ALMS1: variants seen among roughly 807,000 people sequenced by gnomAD.
The protein encoded by ALMS1 is ALMS1 centrosome and basal body associated protein.
ALMS1 carries 271 observed loss-of-function variants against 352.2 expected under a neutral mutation model. The observed-to-expected ratio is 0.77, with a 90% CI of 0.70 to 0.85. The LOEUF (loss-of-function observed/expected upper bound fraction) is 0.85, where lower values mean the gene tolerates loss of function less well. Ranked by LOEUF, ALMS1 falls within the 40% of genes least tolerant of loss-of-function variation. The pLI is 0.00. For missense variants in ALMS1, 5,445 were observed against 4,870.7 expected (o/e 1.12, Z -3.51); for synonymous variants, 1,865 against 1,761.2 (o/e 1.06, Z -1.48).
At chr2:73,540,625 A>G (rs1044391361) in intron 12 of ALMS1, among the ~76,000 whole-genome samples, 4 of 152,168 alleles carry the variant, frequency 2.6e-5, no homozygotes, top group African/African-American at 9.7e-5. Context: ...TATTCAGGAA[A>G]CCCATCTCAT....
chr2:73,470,408 C>T (rs1672443851), intron 9 of ALMS1: 1 of 151,532 alleles, frequency 6.6e-6, no homozygotes, highest in South Asian at 2.1e-4. Context: ...TAAAATTTTC[C>T]TTGATTTCAT....
At chr2:73,426,666 C>T (rs1457766173) in intron 6 of ALMS1, 113 bp downstream of exon 6, 7 of 1,073,310 alleles carry the variant, frequency 6.5e-6, no homozygotes, top group East Asian at 2.5e-5. Flanking sequence ...GGTACATGAC[C>T]AATGTCATTT....
chr2:73,573,379 T>C lies in ALMS1; in HGVS notation c.11502T>C (p.Gly3834=). The C allele has an allele frequency of 1.9e-6, 3 of 1,614,066 alleles. No homozygotes were observed. The highest frequency in any genetic ancestry group is 2.5e-6 in the Non-Finnish European group (3 of 1,179,992). ...ACAGCAAGAAAGTGCTGAATACAGG[T>C]CATCCCCTAGTGACTTCTGAGCACA... ...SKHSKKVLNT[G]HPLVTSEHTR... is the part of the protein sequence containing the mutation. Residue 3834 remains glycine (G), a synonymous_variant, in exon 16 of 23, where the codon GGT becomes GGC. Coordinates refer to ENST00000613296, the MANE Select transcript of ALMS1 (RefSeq NM_001378454.1).
In ALMS1 at chr2:73,450,506, C is replaced by T. The variant is rs758337415; in HGVS notation, c.3979C>T (p.Pro1327Ser). The T allele has an allele frequency of 2.5e-6, 4 of 1,611,984 alleles. No individual in the cohort carries two copies. Among genetic ancestry groups the T allele is most frequent in the Non-Finnish European group, 3.4e-6 (4 of 1,179,650 alleles). The stretch of plus-strand genomic sequence containing the variant: ...ACCAGCTGACCAGAAGACTGTGATA[C>T]CAATTTTACCCTCTACTTTCTACTC... ...PGPADQKTVIPILPSTFYSHT... is the reference protein window; with the variant it reads ...PGPADQKTVISILPSTFYSHT... The change falls in exon 8 of 23, where the codon CCA becomes TCA. Residue 1327 changes from proline to serine, a missense_variant. Pro to Ser is a moderately conservative substitution (Grantham distance 74). Coordinates refer to ENST00000613296, the MANE Select transcript of ALMS1 (RefSeq NM_001378454.1).
At chr2:73,594,828 A>G (rs1158399041) in intron 16 of ALMS1, among the ~76,000 whole-genome samples, 1 of 152,136 alleles carries the variant, frequency 6.6e-6, no homozygotes, top group Non-Finnish European at 1.5e-5. Context: ...ACCGTTCCAC[A>G]TGGGCTGTGG....
intron 9 of ALMS1, among the ~76,000 whole-genome samples, chr2:73,456,330 G>A (rs1270353373): frequency 1.3e-5 from 2 of 152,144 alleles, no homozygotes; most frequent in Admixed American, 6.5e-5. Context: ...GTTTTCATTT[G>A]TTCCTTATTA....
At chr2:73,426,188 T>G (rs767260144) in intron 5 of ALMS1, among the ~76,000 whole-genome samples, 8 of 152,174 alleles carry the variant, frequency 5.3e-5, no homozygotes, top group Non-Finnish European at 1.0e-4. Flanking sequence ...TACTCAAACT[T>G]TAATTTGGGT....
At chr2:73,556,586 G>A (rs904283357) in intron 13 of ALMS1, among the ~76,000 whole-genome samples, 2 of 149,918 alleles carry the variant, frequency 1.3e-5, no homozygotes, top group South Asian at 2.1e-4. Flanking sequence ...GAACTTGAAA[G>A]CATTGTTCAC....
intron 21 of ALMS1, among the ~76,000 whole-genome samples, chr2:73,605,586 C>T (rs1675798591): frequency 6.6e-6 from 1 of 152,308 alleles, no homozygotes; most frequent in Non-Finnish European, 1.5e-5. Context: ...CAGTGGCTCA[C>T]GCCTATAATC....
intron 8 of ALMS1, 199 bp downstream of exon 8, chr2:73,454,266 A>G (rs1672013872): frequency 1.0e-6 from 1 of 969,660 alleles, no homozygotes. Context: ...CAATCCATAA[A>G]AAGCCTATTT....
chr2:73,597,032 A>T (rs1487291055), intron 16 of ALMS1, among the ~76,000 whole-genome samples: 1 of 152,016 alleles, frequency 6.6e-6, no homozygotes, highest in East Asian at 1.9e-4. Flanking sequence ...TTGCCATCCT[A>T]ACAATTTTGA....
chr2:73,468,259 G>T (rs903417089), intron 9 of ALMS1, among the ~76,000 whole-genome samples: 1 of 151,800 alleles, frequency 6.6e-6, no homozygotes, highest in Non-Finnish European at 1.5e-5. Flanking sequence ...ATTTTGAAAG[G>T]CTAGTAGAAG....
chr2:73,400,526 C>T (rs1011118281), intron 1 of ALMS1, among the ~76,000 whole-genome samples: 4 of 152,146 alleles, frequency 2.6e-5, no homozygotes, highest in Non-Finnish European at 5.9e-5. Context: ...ACAATTTCCT[C>T]CTTCAGGGTT....
intron 7 of ALMS1, among the ~76,000 whole-genome samples, chr2:73,438,379 A>T (rs1671647743): frequency 6.6e-6 from 1 of 152,240 alleles, no homozygotes; most frequent in Non-Finnish European, 1.5e-5. Context: ...ATATCAGGTA[A>T]AGTAGACACA....
At chr2:73,398,423 AT>A (rs1670807302) in intron 1 of ALMS1, among the ~76,000 whole-genome samples, 1 of 152,208 alleles carries the variant, frequency 6.6e-6, no homozygotes, top group Non-Finnish European at 1.5e-5. Context: ...CAGTCCTCCA[AT>A]TCGGAGTCTT....
chr2:73,422,785 T>G, intron 3 of ALMS1, 72 bp from the exon 4 acceptor site: 2 of 1,261,266 alleles, frequency 1.6e-6, no homozygotes, highest in East Asian at 2.3e-5. Context: ...GTAGGTGCTT[T>G]AAAGTATTAT....
intron 16 of ALMS1, among the ~76,000 whole-genome samples, chr2:73,575,376 A>G (rs1675030510): frequency 6.6e-6 from 1 of 152,152 alleles, no homozygotes. Flanking sequence ...AGCAGTGTAT[A>G]AGGGTTCCTC....
At chr2:73,557,166 C>A in intron 13 of ALMS1, 54 bp from the exon 14 acceptor site, 1 of 1,610,670 alleles carries the variant, frequency 6.2e-7, no homozygotes, top group Non-Finnish European at 8.5e-7. Flanking sequence ...GATTACTTGT[C>A]TGTTGTGTTT....
At chr2:73,550,552 TG>T (rs1674408463) in intron 13 of ALMS1, 115 bp downstream of exon 13, 3 of 1,360,382 alleles carry the variant, frequency 2.2e-6, no homozygotes, top group Non-Finnish European at 3.1e-6. Flanking sequence ...CTTTTCTCCT[TG>T]CTGTTATATT....
Sources: allele counts gnomAD v4.1 joint callset (sites outside exome capture counted in the v4.1 genomes callset), GRCh38; gene constraint gnomAD v4.1.1; transcripts MANE v1.5; gene names NCBI Gene and HGNC (gene_info 2026-07-23, HGNC 2026-07-21).